FAM149B1: variants seen among roughly 807,000 people sequenced by gnomAD.
The protein encoded by FAM149B1 is primary cilium assembly protein FAM149B1.
Under a neutral mutation model 75.3 loss-of-function variants are expected in FAM149B1, and 56 were observed. The observed-to-expected ratio is 0.74, with a 90% confidence interval of 0.60 to 0.93. FAM149B1 has a LOEUF of 0.93. Among genes scored for constraint, FAM149B1 ranks in the 40% least tolerant of loss-of-function variants. The probability of loss-of-function intolerance (pLI) is 0.00; values close to 1 mark genes in which losing one functional copy is unlikely to be tolerated. For missense variants in FAM149B1, 639 were observed against 708.4 expected (o/e 0.90, Z 1.11); for synonymous variants, 259 against 256.1 (o/e 1.01, Z -0.11).
At chr10:73,206,791 T>A (rs2043070030) in intron 5 of FAM149B1, among the ~76,000 whole-genome samples, 1 of 152,176 alleles carries the variant, frequency 6.6e-6, no homozygotes, top group Non-Finnish European at 1.5e-5. Flanking sequence ...GGCGGACGCC[T>A]ATAATCCCAG....
intron 7 of FAM149B1, among the ~76,000 whole-genome samples, chr10:73,218,692 C>T (rs2043346001): frequency 6.6e-6 from 1 of 152,096 alleles, no homozygotes; most frequent in South Asian, 2.1e-4. Context: ...ATACTCTAAT[C>T]TTTTGATCTT....
intron 1 of FAM149B1, among the ~76,000 whole-genome samples, chr10:73,172,310 C>T (rs971233259): frequency 6.6e-6 from 1 of 152,172 alleles, no homozygotes; most frequent in African/African-American, 2.4e-5. Context: ...TGACTGGGCT[C>T]TTAGCTTTAT....
At chr10:73,212,040 CATGTGGT>C (rs1258606934) in intron 7 of FAM149B1, among the ~76,000 whole-genome samples, 1 of 152,126 alleles carries the variant, frequency 6.6e-6, no homozygotes, top group Non-Finnish European at 1.5e-5. Context: ...TAAGTGAGAA[CATGTGGT>C]ATTTGACTTT....
At chr10:73,238,555 A>G (rs1251353888) in intron 12 of FAM149B1, among the ~76,000 whole-genome samples, 2 of 152,246 alleles carry the variant, frequency 1.3e-5, no homozygotes, top group East Asian at 1.9e-4. Flanking sequence ...CCTTCATACC[A>G]TAACAGCGAA....
rs2043940400 is a variant in FAM149B1 at position 73,241,034 on chromosome 10, A to C, written c.*15A>C. On this transcript the variant is annotated 3_prime_UTR_variant, in exon 14 of 14. Coordinates refer to ENST00000242505, the MANE Select transcript of FAM149B1 (RefSeq NM_173348.2). ...AGGGACCATAAGGCAAATGAGAAGA[A>C]TCTATCAGGCTGCAGGAAACACGAG... is the stretch of plus-strand genomic sequence containing the variant. The C allele has an allele frequency of 2.8e-6, 4 of 1,438,144 alleles. No individual in the cohort carries two copies. The highest frequency in any genetic ancestry group is 2.9e-6 in the Non-Finnish European group (3 of 1,047,902). The allele number at this position is 1,438,144 out of a possible 1,614,324, so 89.1% of individuals were successfully genotyped here. A position where few individuals can be genotyped will look rare whatever the true frequency, so the allele number is the denominator to read the frequency against.
intron 7 of FAM149B1, among the ~76,000 whole-genome samples, chr10:73,225,595 ATAAC>A (rs1462645907): frequency 6.6e-6 from 1 of 152,244 alleles, no homozygotes; most frequent in Non-Finnish European, 1.5e-5. Flanking sequence ...GTCAAAAAGT[ATAAC>A]TAAGGGTAAT....
intron 8 of FAM149B1, among the ~76,000 whole-genome samples, chr10:73,229,834 A>G (rs2043642758): frequency 6.6e-6 from 1 of 152,188 alleles, no homozygotes; most frequent in Non-Finnish European, 1.5e-5. Flanking sequence ...AGAAAAGCCA[A>G]TGAGCTGATG....
At chr10:73,232,393 T>C (rs1374509412) in intron 9 of FAM149B1, among the ~76,000 whole-genome samples, 1 of 152,180 alleles carries the variant, frequency 6.6e-6, no homozygotes, top group African/African-American at 2.4e-5. Flanking sequence ...ACAAGACCCT[T>C]TGCCCACTCC....
At chr10:73,235,523 A>G in intron 12 of FAM149B1, 1 of 1,206,926 alleles carries the variant, frequency 8.3e-7, no homozygotes, top group Non-Finnish European at 1.1e-6. Context: ...TTATACAGAA[A>G]TCACAAATAT....
chr10:73,223,750 G>C (rs79874959), intron 7 of FAM149B1, among the ~76,000 whole-genome samples: 3 of 147,040 alleles, frequency 2.0e-5, no homozygotes, highest in Non-Finnish European at 4.5e-5. Context: ...TTTTTTTTAA[G>C]CTTGTATTAG....
intron 13 of FAM149B1, among the ~76,000 whole-genome samples, chr10:73,240,358 G>C (rs557113168): frequency 6.6e-6 from 1 of 152,172 alleles, no homozygotes; most frequent in Non-Finnish European, 1.5e-5. Context: ...GTCTTTGAAT[G>C]CTTTTGTCAG....
chr10:73,183,814 G>A (rs895610091), intron 3 of FAM149B1, among the ~76,000 whole-genome samples: 8 of 152,166 alleles, frequency 5.3e-5, no homozygotes, highest in Non-Finnish European at 8.8e-5. Flanking sequence ...TACTACAGAG[G>A]GACACGCTGT....
At chr10:73,186,089 G>A (rs2042515224) in intron 3 of FAM149B1, among the ~76,000 whole-genome samples, 1 of 151,990 alleles carries the variant, frequency 6.6e-6, no homozygotes, top group African/African-American at 2.4e-5. Flanking sequence ...CCCTGACCAA[G>A]TGAGTAAATA....
At chr10:73,239,204 C>A in intron 12 of FAM149B1, 108 bp from the exon 13 acceptor site, 1 of 895,964 alleles carries the variant, frequency 1.1e-6, no homozygotes, top group South Asian at 1.6e-5. Context: ...AGTTGGTAGT[C>A]TATGCCTTTT....
chr10:73,183,063 G>C (rs1052101684), intron 3 of FAM149B1, among the ~76,000 whole-genome samples: 2 of 152,172 alleles, frequency 1.3e-5, no homozygotes, highest in African/African-American at 4.8e-5. Flanking sequence ...GTGTAAGAGT[G>C]AACTAGAGTC....
chr10:73,226,504 C>CA (rs1486538511), intron 7 of FAM149B1, among the ~76,000 whole-genome samples: 3 of 151,834 alleles, frequency 2.0e-5, no homozygotes, highest in African/African-American at 7.2e-5. Context: ...GACTCTGTCT[C>CA]AAAAAAAAGA....
intron 5 of FAM149B1, among the ~76,000 whole-genome samples, chr10:73,198,788 A>G (rs1394670701): frequency 1.3e-5 from 2 of 152,182 alleles, no homozygotes; most frequent in Admixed American, 6.5e-5. Context: ...CTGGGCGGCA[A>G]GAGTGAAACT....
intron 7 of FAM149B1, among the ~76,000 whole-genome samples, chr10:73,223,271 A>G (rs1358455506): frequency 6.6e-6 from 1 of 152,130 alleles, no homozygotes; most frequent in Non-Finnish European, 1.5e-5. Context: ...GCACAGATTA[A>G]TTTTGCCTGT....
chr10:73,182,112 T>C lies in FAM149B1; in HGVS notation c.282+4137T>C, dbSNP rs571029782. ...GGTATGGAATATCTTTTTCCATCCC[T>C]TTATTTTCAGTCTGTATGTGTCTTT... On this transcript the variant is annotated intron_variant, in intron 3 of 13. Transcript: ENST00000242505. Among the ~76,000 whole-genome samples the C allele has an allele frequency of 1.2e-3, 180 of 152,316 alleles. 1 individual carries two copies. Among genetic ancestry groups the C allele is most frequent in the Non-Finnish European group, 8.1e-4 (55 of 68,032 alleles).
Sources: allele counts gnomAD v4.1 joint callset (sites outside exome capture counted in the v4.1 genomes callset), GRCh38; gene constraint gnomAD v4.1.1; transcripts MANE v1.5; gene names NCBI Gene and HGNC (gene_info 2026-07-23, HGNC 2026-07-21).